The following ERC2 variants were observed in gnomAD, a reference collection of about 807,000 sequenced individuals.
The protein encoded by ERC2 is ERC protein 2.
Under a neutral mutation model 114.8 loss-of-function variants are expected in ERC2, and 42 were observed. The ratio of observed to expected loss-of-function variants is 0.37; its 90% CI spans 0.29 to 0.47. The LOEUF (loss-of-function observed/expected upper bound fraction) is 0.47, where lower values mean the gene tolerates loss of function less well. Among genes scored for constraint, ERC2 ranks in the 20% least tolerant of loss-of-function variants. ERC2 has a pLI of 0.99. For synonymous variants in ERC2, 454 were observed against 425.5 expected, an observed-to-expected ratio of 1.07 and a Z score of -0.82; for missense variants, 939 against 1,150.7, an observed-to-expected ratio of 0.82 and a Z score of 2.66.
chr3:55,539,391 C>T (rs1395500237), intron 17 of ERC2, among the ~76,000 whole-genome samples: 4 of 102,292 alleles, frequency 3.9e-5, no homozygotes, highest in Non-Finnish European at 6.8e-5. Context: ...TTTTTTCTTT[C>T]TCTCTCTCTC....
At chr3:56,410,213 G>GAGAGCAAACATAT (rs2060889014) in intron 2 of ERC2, among the ~76,000 whole-genome samples, 1 of 152,276 alleles carries the variant, frequency 6.6e-6, no homozygotes, top group Admixed American at 6.5e-5. Context: ...GATATATATA[G>GAGAGCAAACATAT]AGAGCAAACT....
intron 13 of ERC2, among the ~76,000 whole-genome samples, chr3:55,933,563 A>T (rs2066254466): frequency 6.6e-6 from 1 of 152,226 alleles, no homozygotes; most frequent in Non-Finnish European, 1.5e-5. Context: ...CTATATGTGC[A>T]GGGCTATATA....
chr3:56,079,687 C>CA (rs1465964090), intron 7 of ERC2, among the ~76,000 whole-genome samples: 1 of 152,092 alleles, frequency 6.6e-6, no homozygotes, highest in Non-Finnish European at 1.5e-5. Context: ...CTGAAATTCT[C>CA]AATTTTGGGA....
rs11343406 is a variant in ERC2, at chr3:56,443,958, ATTT to A, written c.-140-8814_-140-8812del. 6.1e-4 allele frequency among the ~76,000 whole-genome samples: 49 copies of A among 80,238 alleles called. 1 individual carries two copies. Among genetic ancestry groups the A allele is most frequent in the South Asian group, 3.3e-3 (6 of 1,802 alleles). 52.6% of individuals were successfully genotyped at this position (80,238 alleles called of 152,430 possible). On this transcript the variant is annotated intron_variant, in intron 1 of 17. Transcript: ENST00000288221. Reference sequence around the variant, plus strand: ...TGTGAACTCTTTAAAAATACCTACAATTTTTTTTTTTTTTTTTTGGTTGAGATG... The same window carrying A: ...TGTGAACTCTTTAAAAATACCTACAATTTTTTTTTTTTTTTGGTTGAGATG...
intron 17 of ERC2, among the ~76,000 whole-genome samples, chr3:55,674,253 C>A (rs1311496053): frequency 6.6e-6 from 1 of 152,140 alleles, no homozygotes; most frequent in Non-Finnish European, 1.5e-5. Flanking sequence ...GTGGTGGAAC[C>A]AGTATTTGAA....
intron 6 of ERC2, among the ~76,000 whole-genome samples, chr3:56,098,828 C>T (rs949339870): frequency 6.6e-6 from 1 of 152,152 alleles, no homozygotes; most frequent in African/African-American, 2.4e-5. Context: ...TGATCTAGAA[C>T]ACCCAACCCT....
chr3:55,672,164 G>A (rs1386465625), intron 17 of ERC2, among the ~76,000 whole-genome samples: 1 of 151,872 alleles, frequency 6.6e-6, no homozygotes, highest in South Asian at 2.1e-4. Flanking sequence ...ATGGCAAGAT[G>A]CCATCTCTAG....
At chr3:55,733,372 G>A (rs536581344) in intron 15 of ERC2, among the ~76,000 whole-genome samples, 34 of 151,090 alleles carry the variant, frequency 2.3e-4, no homozygotes, top group African/African-American at 8.4e-4. Context: ...CCTCTACAAG[G>A]AGAGAGTGTT....
rs557634341 is a variant in ERC2, at chr3:56,093,448, T to C, written c.1474-12464A>G. Reference sequence around the variant, plus strand: ...CAACCACAGGACATCATGCTAACCATGAAAACCAGGGGTTCATCAGCACTA... The same window carrying C: ...CAACCACAGGACATCATGCTAACCACGAAAACCAGGGGTTCATCAGCACTA... On this transcript the variant is annotated intron_variant, in intron 6 of 17. Transcript: ENST00000288221. 5.3e-5 allele frequency among the ~76,000 whole-genome samples: 8 copies of C among 152,230 alleles called. 1 individual carries two copies. Among genetic ancestry groups the C allele is most frequent in the African/African-American group, 1.7e-4 (7 of 41,546 alleles).
chr3:55,709,790 G>GCCAGCAC (rs2063679552), intron 15 of ERC2, among the ~76,000 whole-genome samples: 1 of 152,156 alleles, frequency 6.6e-6, no homozygotes, highest in Non-Finnish European at 1.5e-5. Flanking sequence ...GGCTGTGTTG[G>GCCAGCAC]CCAGCACCGA....
At chr3:56,248,863 C>T (rs534894694) in intron 3 of ERC2, among the ~76,000 whole-genome samples, 12 of 152,310 alleles carry the variant, frequency 7.9e-5, no homozygotes, top group African/African-American at 2.6e-4. Flanking sequence ...ATGCAATACA[C>T]GTACACAGAA....
chr3:55,623,743 C>T (rs553917377), intron 17 of ERC2, among the ~76,000 whole-genome samples: 2 of 152,288 alleles, frequency 1.3e-5, no homozygotes, highest in South Asian at 4.1e-4. Context: ...CCAACCCTAG[C>T]CAATAGAGGA....
intron 13 of ERC2, among the ~76,000 whole-genome samples, chr3:55,912,627 T>G (rs1314037834): frequency 6.6e-6 from 1 of 152,232 alleles, no homozygotes; most frequent in Non-Finnish European, 1.5e-5. Context: ...TACACATATT[T>G]GTACACATAG....
At chr3:56,349,750 C>T (rs576332467) in intron 2 of ERC2, among the ~76,000 whole-genome samples, 103 of 151,946 alleles carry the variant, frequency 6.8e-4, no homozygotes, top group Non-Finnish European at 1.3e-3. Context: ...ACTAAAAATA[C>T]AAAAACACAA....
At chr3:56,004,986 G>T (rs2072367523) in intron 10 of ERC2, among the ~76,000 whole-genome samples, 1 of 147,838 alleles carries the variant, frequency 6.8e-6, no homozygotes, top group Non-Finnish European at 1.5e-5. Context: ...AAGGTGATGG[G>T]TATTTGAGGT....
intron 15 of ERC2, among the ~76,000 whole-genome samples, chr3:55,700,054 G>T (rs1053581168): frequency 2.6e-5 from 4 of 152,210 alleles, no homozygotes; most frequent in African/African-American, 9.6e-5. Context: ...TTGGGAAATG[G>T]CTCTCTACGG....
chr3:55,565,090 C>A (rs987944640), intron 17 of ERC2, among the ~76,000 whole-genome samples: 2 of 152,174 alleles, frequency 1.3e-5, no homozygotes, highest in Admixed American at 6.5e-5. Flanking sequence ...GTTAAAGGAA[C>A]CTGGGACCCT....
At chr3:55,549,432 C>T (rs994058134) in intron 17 of ERC2, among the ~76,000 whole-genome samples, 15 of 151,792 alleles carry the variant, frequency 9.9e-5, no homozygotes, top group Admixed American at 7.2e-4. Context: ...ACACAAAATG[C>T]CTGAGACAAT....
intron 6 of ERC2, among the ~76,000 whole-genome samples, chr3:56,106,783 G>C (rs907840381): frequency 6.6e-6 from 1 of 152,190 alleles, no homozygotes; most frequent in African/African-American, 2.4e-5. Flanking sequence ...GTGCTAGCAA[G>C]TCACTGGAAA....
Sources: allele counts gnomAD v4.1 joint callset (sites outside exome capture counted in the v4.1 genomes callset), GRCh38; gene constraint gnomAD v4.1.1; transcripts MANE v1.5; gene names NCBI Gene and HGNC (gene_info 2026-07-23, HGNC 2026-07-21).